Variants in TPTE2 observed in about 807,000 individuals in gnomAD.
TPTE2 encodes the protein transmembrane phosphoinositide 3-phosphatase and tensin homolog 2.
Under a neutral mutation model 78.6 loss-of-function variants are expected in TPTE2, and 53 were observed. The ratio of observed to expected loss-of-function variants is 0.67; its 90% CI spans 0.54 to 0.85. The LOEUF (loss-of-function observed/expected upper bound fraction) is 0.85. Ranked by LOEUF, TPTE2 falls within the 40% of genes least tolerant of loss-of-function variation. The probability of loss-of-function intolerance (pLI) is 0.00; values close to 1 mark genes in which losing one functional copy is unlikely to be tolerated. For missense variants in TPTE2, 461 were observed against 623.0 expected, an observed-to-expected ratio of 0.74 and a Z score of 2.77; for synonymous variants, 175 against 206.2, an observed-to-expected ratio of 0.85 and a Z score of 1.30.
At chr13:19,481,470 A>G (rs1223739982) in intron 4 of TPTE2, among the ~76,000 whole-genome samples, 1 of 152,202 alleles carries the variant, frequency 6.6e-6, no homozygotes, top group African/African-American at 2.4e-5. Context: ...CTTTTACTAT[A>G]AATCCAATAT....
At chr13:19,543,082 G>T in the TPTE2 span, among the ~76,000 whole-genome samples, 2 of 150,742 alleles carry the variant, frequency 1.3e-5, no homozygotes, top group Non-Finnish European at 1.5e-5. Context: ...AATTAAGACA[G>T]AGTCTTGCTC....
upstream of TPTE2, among the ~76,000 whole-genome samples, chr13:19,538,308 C>A (rs1871325053): frequency 6.6e-6 from 1 of 151,918 alleles, no homozygotes; most frequent in Non-Finnish European, 1.5e-5. Flanking sequence ...GCAAGCTCCG[C>A]CTCCCGGGTT....
chr13:19,465,663 CCCT>C (rs1856779400), intron 7 of TPTE2, 99 bp from the exon 11 acceptor site: 2 of 978,300 alleles, frequency 2.0e-6, no homozygotes, highest in Non-Finnish European at 3.0e-6. Flanking sequence ...AGGCAATTTT[CCCT>C]CCTCTCCCCA....
At chr13:19,476,742 G>T (rs2137596648) in intron 4 of TPTE2, among the ~76,000 whole-genome samples, 1 of 152,198 alleles carries the variant, frequency 6.6e-6, no homozygotes, top group South Asian at 2.1e-4. Context: ...GCAGAGAAAA[G>T]GGAACACTTA....
chr13:19,441,099 A>T (rs142160340), intron 13 of TPTE2, among the ~76,000 whole-genome samples: 2,534 of 152,192 alleles, frequency 0.017, 24 homozygotes, highest in Non-Finnish European at 0.028. Context: ...AAAAAAAAAA[A>T]AATAATTTCC....
chr13:19,550,767 G>T, the TPTE2 span, among the ~76,000 whole-genome samples: 1 of 151,802 alleles, frequency 6.6e-6, no homozygotes, highest in Non-Finnish European at 1.5e-5. Context: ...CCTCAATACT[G>T]TTCTTTTTCT....
chr13:19,434,431 A>G (rs1213809849), intron 15 of TPTE2, among the ~76,000 whole-genome samples: 1 of 152,188 alleles, frequency 6.6e-6, no homozygotes, highest in Non-Finnish European at 1.5e-5. Flanking sequence ...TGGAAAAGTC[A>G]AAGTGTGGCT....
upstream of TPTE2, among the ~76,000 whole-genome samples, chr13:19,504,968 TTCTATCACAGG>T (rs1234326736): frequency 1.3e-5 from 2 of 152,092 alleles, no homozygotes; most frequent in African/African-American, 4.8e-5. Flanking sequence ...TCATTGGTGG[TTCTATCACAGG>T]TCATTGATGT....
upstream of TPTE2, among the ~76,000 whole-genome samples, chr13:19,507,836 C>G (rs1373852353): frequency 1.3e-5 from 2 of 152,170 alleles, no homozygotes; most frequent in Non-Finnish European, 2.9e-5. Context: ...ACCTCACTTC[C>G]GTTTTCTGTC....
intron 16 of TPTE2, among the ~76,000 whole-genome samples, chr13:19,430,869 GTAAT>G (rs1876533462): frequency 6.6e-6 from 1 of 152,182 alleles, no homozygotes; most frequent in African/African-American, 2.4e-5. Flanking sequence ...GCTCACACCT[GTAAT>G]CCTAGCACTT....
chr13:19,512,912 T>G (rs1187050785), intron 1 of TPTE2, among the ~76,000 whole-genome samples: 2 of 152,182 alleles, frequency 1.3e-5, no homozygotes, highest in Non-Finnish European at 2.9e-5. Context: ...AGCATTTCCT[T>G]TTGTAGAATC....
intron 16 of TPTE2, among the ~76,000 whole-genome samples, chr13:19,431,250 C>A (rs746373400): frequency 1.4e-4 from 21 of 152,222 alleles, no homozygotes; most frequent in East Asian, 7.7e-4. Flanking sequence ...TAAATACTGT[C>A]ATTTAACTAC....
At position 19,535,252 on chromosome 13, in the gene TPTE2, C is replaced by A. The variant is rs1871142288; in HGVS notation, c.-44+1344G>T. Among the ~76,000 whole-genome samples, 2 of 151,446 alleles carry A rather than the reference C, an allele frequency of 1.3e-5. No homozygotes were observed. The highest frequency in any genetic ancestry group is 2.1e-4 in the South Asian group (1 of 4,774). ...ATATATATATATATATTCTTTAGAT[C>A]CAAGAATCTAAGGATAACACCTTCT... On this transcript the variant is annotated intron_variant, in intron 1 of 17. Transcript: ENST00000390680. This position sits in a 1 kb window ranked among gnomAD's most constrained non-coding sequence, Gnocchi z 5.1.
intron 13 of TPTE2, among the ~76,000 whole-genome samples, chr13:19,443,392 T>C (rs1165511110): frequency 1.1e-5 from 1 of 92,300 alleles, no homozygotes; most frequent in South Asian, 4.6e-4. Flanking sequence ...TTTCTTTCTT[T>C]CTTTCTTTTT....
chr13:19,441,225 A>G (rs1160858731), intron 13 of TPTE2, among the ~76,000 whole-genome samples: 1 of 152,168 alleles, frequency 6.6e-6, no homozygotes, highest in Non-Finnish European at 1.5e-5. Flanking sequence ...ATGGGTGCTC[A>G]TGGATATCAA....
At chr13:19,434,213 A>C (rs1290457928) in intron 15 of TPTE2, among the ~76,000 whole-genome samples, 1 of 152,240 alleles carries the variant, frequency 6.6e-6, no homozygotes, top group Non-Finnish European at 1.5e-5. Flanking sequence ...GAATGATGCA[A>C]AGTGACGTAG....
the TPTE2 span, among the ~76,000 whole-genome samples, chr13:19,553,731 TC>T: frequency 6.6e-6 from 1 of 152,190 alleles, no homozygotes; most frequent in East Asian, 1.9e-4. Flanking sequence ...TACGTACAAT[TC>T]TAAAAGATGC....
chr13:19,433,140 T>C (rs1876799144), intron 15 of TPTE2, among the ~76,000 whole-genome samples: 1 of 152,128 alleles, frequency 6.6e-6, no homozygotes, highest in Non-Finnish European at 1.5e-5. Flanking sequence ...GGGCAAGCTG[T>C]TCACAACGGC....
At chr13:19,507,063 T>C (rs1869104224), upstream of TPTE2, among the ~76,000 whole-genome samples, 1 of 152,122 alleles carries the variant, frequency 6.6e-6, no homozygotes, top group Non-Finnish European at 1.5e-5. Context: ...TATTTAACAT[T>C]TGCGTGTATC....
Sources: allele counts gnomAD v4.1 joint callset (sites outside exome capture counted in the v4.1 genomes callset), GRCh38; gene constraint gnomAD v4.1.1; non-coding constraint Gnocchi (gnomAD v3.1); transcripts MANE v1.5; gene names NCBI Gene and HGNC (gene_info 2026-07-23, HGNC 2026-07-21).